The following C2orf68 variants were observed in gnomAD, a reference collection of about 807,000 sequenced individuals.
C2orf68 encodes the protein UPF0561 protein C2orf68.
A neutral mutation model predicts 19.1 loss-of-function variants in C2orf68; 15 were observed. The observed-to-expected ratio is 0.79, with a 90% CI of 0.53 to 1.21. The LOEUF is 1.21. Ranked by LOEUF, C2orf68 falls within the 50% of genes most tolerant of loss-of-function variation. C2orf68 has a pLI of 0.00. For missense variants in C2orf68, 242 were observed against 226.6 expected, an observed-to-expected ratio of 1.07 and a Z score of -0.44; for synonymous variants, 98 against 91.0, an observed-to-expected ratio of 1.08 and a Z score of -0.44.
chr2:85,611,292 A>G (rs1000351466), intron 2 of C2orf68: 3 of 1,419,568 alleles, frequency 2.1e-6, no homozygotes, highest in South Asian at 1.5e-5. Context: ...TCTAGGTAGC[A>G]GAGAAGCTGG....
chr2:85,611,354 G>A (rs1673514162), intron 2 of C2orf68: 1 of 1,442,182 alleles, frequency 6.9e-7, no homozygotes, highest in Non-Finnish European at 9.1e-7. Flanking sequence ...GTCGCTCATC[G>A]CTGTGCCAGA....
At chr2:85,609,213 T>C (rs1673346454) in intron 3 of C2orf68, 146 bp from the exon 4 acceptor site, 3 of 1,302,834 alleles carry the variant, frequency 2.3e-6, no homozygotes, top group Non-Finnish European at 3.1e-6. Context: ...CCTGTAATAG[T>C]GATTCTCCAC....
In C2orf68 at chr2:85,610,874, T is replaced by C. The variant is rs1466010692; in HGVS notation, c.226+794A>G. 2.0e-5 allele frequency: 3 copies of C among 150,872 alleles called. No individual in the cohort carries two copies. The East Asian group carries it at 6.0e-4, about 30-fold the overall frequency. 9.3% of individuals were successfully genotyped at this position (150,872 alleles called of 1,614,324 possible). On this transcript the variant is annotated intron_variant, in intron 2 of 3. Transcript: ENST00000306336. ...CCCGGGTTCACGCCATTCTCCTGCC[T>C]CAGCCTCCCGAGTAGCTGGGACTAC... is the stretch of plus-strand genomic sequence containing the variant.
rs1268701680 is a variant in C2orf68, at chr2:85,609,533, T to G, written c.280A>C (p.Ser94Arg). Reference sequence around the variant, plus strand: ...GGCTCCAGCTCAGAGCCTCCACTACTGCTGCTTTCACCGGACTCTTCATAG... The same window carrying G: ...GGCTCCAGCTCAGAGCCTCCACTACGGCTGCTTTCACCGGACTCTTCATAG... The part of the protein sequence containing the change: ...PDYEESGESS[S>R]SGGSELEPSG... The change falls in exon 3 of 4, where the codon AGT (serine) becomes CGT (arginine). Residue 94 changes from serine to arginine, a missense_variant. Coordinates refer to ENST00000306336, the MANE Select transcript of C2orf68 (RefSeq NM_001013649.4). 6.2e-7 allele frequency: 1 copy of G among 1,614,070 alleles called. No homozygotes were observed. The highest frequency in any genetic ancestry group is 1.7e-5 in the Admixed American group (1 of 60,008).
rs1392268185 is a variant in C2orf68, at chr2:85,612,063, C to G, written c.-79G>C. The G allele has an allele frequency of 2.6e-6, 3 of 1,143,688 alleles. No individual in the cohort carries two copies. Among genetic ancestry groups the G allele is most frequent in the African/African-American group, 3.2e-5 (2 of 62,704 alleles). 70.8% of individuals were successfully genotyped at this position (1,143,688 alleles called of 1,614,324 possible). On this transcript the variant is annotated 5_prime_UTR_variant, in exon 1 of 4. Transcript: ENST00000306336. ...CCCGCCCACAGAGCTCCGCGCCGCC[C>G]CTTGCTCAGCTTCCGGCCCCGCATC... is the stretch of plus-strand genomic sequence containing the variant.
At position 85,608,946 on chromosome 2, in the gene C2orf68, C is replaced by A. The variant is rs757299153; in HGVS notation, c.500G>T (p.Ter167LeuextTer3). 7.4e-6 allele frequency: 12 copies of A among 1,613,964 alleles called. No individual in the cohort carries two copies. Among genetic ancestry groups the A allele is most frequent in the Non-Finnish European group, 1.0e-5 (12 of 1,179,986 alleles). Residue 167 changes from the stop codon to leucine, a stop_lost, in exon 4 of 4, where the codon TGA becomes TTA. Transcript: ENST00000306336. The part of the protein sequence containing the change: ...EEIAKRQSQH[*>L] Reference sequence around the variant, plus strand: ...CTGGAGAGAACGCCTTCAACATGGTCAGTGTTGGCTCTGGCGCTTTGCAAT... The same window carrying A: ...CTGGAGAGAACGCCTTCAACATGGTAAGTGTTGGCTCTGGCGCTTTGCAAT...
At position 85,611,759 on chromosome 2, in the gene C2orf68, C is replaced by G. The variant is rs754900739; in HGVS notation, c.135G>C (p.Gln45His). Residue 45 changes from glutamine to histidine, a missense_variant, in exon 2 of 4, where the codon CAG (glutamine) becomes CAC (histidine). Coordinates refer to ENST00000306336, the MANE Select transcript of C2orf68 (RefSeq NM_001013649.4). ...GCCTCCTCACCTTCTCCTTGGCCGC[C>G]TGCTTCACCTTCTTGTCATAGTCGT... ...ARDDYDKKVK[Q>H]AAKEKVRRRH... The G allele has an allele frequency of 6.2e-7, 1 of 1,612,302 alleles. No individual in the cohort carries two copies. The highest frequency in any genetic ancestry group is 8.5e-7 in the Non-Finnish European group (1 of 1,179,526).
At position 85,612,013 on chromosome 2, in the gene C2orf68, G is replaced by A; in HGVS notation, c.-29C>T. Reference sequence around the variant, plus strand: ...GAGCCGGGGACGCAGAGTCGCCGCCGCCTCGACGGCCCCAACAACAGCCAC... The same window carrying A: ...GAGCCGGGGACGCAGAGTCGCCGCCACCTCGACGGCCCCAACAACAGCCAC... On this transcript the variant is annotated 5_prime_UTR_variant, in exon 1 of 4. Coordinates refer to ENST00000306336, the MANE Select transcript of C2orf68 (RefSeq NM_001013649.4). The A allele has an allele frequency of 1.4e-6, 2 of 1,438,528 alleles. No homozygotes were observed. Among genetic ancestry groups the A allele is most frequent in the Non-Finnish European group, 1.8e-6 (2 of 1,089,292 alleles). The allele number at this position is 1,438,528 out of a possible 1,614,324, so 89.1% of individuals were successfully genotyped here.
Position 85,608,836 on chromosome 2 carries a change from G to C in C2orf68, c.*109C>G. 1 of 1,475,484 alleles carries C rather than the reference G, an allele frequency of 6.8e-7. No homozygotes were observed. The highest frequency in any genetic ancestry group is 1.3e-5 in the South Asian group (1 of 77,834). The allele number at this position is 1,475,484 out of a possible 1,614,324, so 91.4% of individuals were successfully genotyped here. On this transcript the variant is annotated 3_prime_UTR_variant, in exon 4 of 4. Transcript: ENST00000306336. ...ACACCCTATGGATGCAGCAGCTCTG[G>C]GGGTCTCAAGATCAGACAAACTGGT...
chr2:85,607,302 G>A lies in C2orf68; in HGVS notation c.*1643C>T, dbSNP rs1673251312. On this transcript the variant is annotated 3_prime_UTR_variant, in exon 4 of 4. Coordinates refer to ENST00000306336, the MANE Select transcript of C2orf68 (RefSeq NM_001013649.4). The stretch of plus-strand genomic sequence containing the variant: ...TCTGACCAGGAAGAACAGGGGTGGA[G>A]TTTGGGAGAGCCTTCTTGACCCAGG... The A allele has an allele frequency of 6.6e-6, 1 of 152,258 alleles. No homozygotes were observed. The highest frequency in any genetic ancestry group is 2.4e-5 in the African/African-American group (1 of 41,430). 9.4% of individuals were successfully genotyped at this position (152,258 alleles called of 1,614,324 possible). A position where few individuals can be genotyped will look rare whatever the true frequency, so the allele number is the denominator to read the frequency against.
chr2:85,611,836 G>A (rs1673559252), intron 1 of C2orf68, 42 bp downstream of exon 1: 1 of 1,603,698 alleles, frequency 6.2e-7, no homozygotes, highest in Non-Finnish European at 8.5e-7. Flanking sequence ...GGCCAGGCCA[G>A]GCCAGGAGTG....
Position 85,611,780 on chromosome 2 carries a change from G to A in C2orf68, c.114C>T (p.Asp38=). 1 of 1,612,000 alleles carries A rather than the reference G, an allele frequency of 6.2e-7. No homozygotes were observed. The highest frequency in any genetic ancestry group is 8.5e-7 in the Non-Finnish European group (1 of 1,179,564). The change falls in exon 2 of 4, where the codon GAC becomes GAT. Residue 38 remains aspartate (D), a synonymous_variant. Transcript: ENST00000306336. The stretch of plus-strand genomic sequence containing the variant: ...CCGCCTGCTTCACCTTCTTGTCATA[G>A]TCGTCCCTGCGGGGAGCCGAGCGGG... ...HIRRNQIARD[D]YDKKVKQAAK...
At chr2:85,611,852 G>A (rs377584220) in intron 1 of C2orf68, 26 bp downstream of exon 1, 75 of 1,599,584 alleles carry the variant, frequency 4.7e-5, no homozygotes, top group Non-Finnish European at 5.1e-6. Flanking sequence ...GAGTGGTGGC[G>A]GCGGCGGCGC....
intron 2 of C2orf68, chr2:85,611,292 A>T (rs1000351466): frequency 1.2e-5 from 17 of 1,419,450 alleles, no homozygotes; most frequent in Non-Finnish European, 1.5e-5. Context: ...TCTAGGTAGC[A>T]GAGAAGCTGG....
rs1272674907 is a variant in C2orf68 at position 85,605,308 on chromosome 2, C to A, written c.*3637G>T. 6.6e-6 allele frequency among the ~76,000 whole-genome samples: 1 copy of A among 152,120 alleles called. No individual in the cohort carries two copies. Among genetic ancestry groups the A allele is most frequent in the Admixed American group, 6.5e-5 (1 of 15,284 alleles). On this transcript the variant is annotated 3_prime_UTR_variant, in exon 4 of 4. Transcript: ENST00000306336. ...AAAAAAATACTGTATTTGAAAAGTA[C>A]CTTCCTTCTGGGATTTTCAAATAAT...
Position 85,607,587 on chromosome 2 carries a change from T to A in C2orf68, c.*1358A>T, listed in dbSNP as rs1673263303. The A allele has an allele frequency of 6.6e-6, 1 of 152,226 alleles. No individual in the cohort carries two copies. The highest frequency in any genetic ancestry group is 2.4e-5 in the African/African-American group (1 of 41,450). The allele number at this position is 152,226 out of a possible 1,614,324, so 9.4% of individuals were successfully genotyped here. On this transcript the variant is annotated 3_prime_UTR_variant, in exon 4 of 4. Coordinates refer to ENST00000306336, the MANE Select transcript of C2orf68 (RefSeq NM_001013649.4). ...TTGCGAGCTGTGACTTGACACATTT[T>A]AATGACAAGATTGAAGTAGCTACCT...
intron 2 of C2orf68, chr2:85,611,360 C>G: frequency 6.9e-7 from 1 of 1,444,958 alleles, no homozygotes; most frequent in Non-Finnish European, 9.0e-7. Context: ...CATCGCTGTG[C>G]CAGACTTTCT....
chr2:85,611,830 A>AGGCCG (rs1558840816), intron 1 of C2orf68, 44 bp from the exon 2 acceptor site: 1 of 1,605,192 alleles, frequency 6.2e-7, no homozygotes, highest in Non-Finnish European at 8.5e-7. Context: ...GGGCCGGGCC[A>AGGCCG]GGCCAGGCCA....
intron 1 of C2orf68, 30 bp downstream of exon 1, chr2:85,611,848 T>C (rs1323719518): frequency 1.3e-6 from 2 of 1,599,750 alleles, no homozygotes; most frequent in Admixed American, 1.7e-5. Flanking sequence ...CCAGGAGTGG[T>C]GGCGGCGGCG....
Sources: gnomAD v4.1 joint callset for allele counts (sites outside exome capture counted in the v4.1 genomes callset) on GRCh38, gnomAD v4.1.1 for gene constraint, MANE v1.5 for transcripts, NCBI Gene and HGNC (gene_info 2026-07-23, HGNC 2026-07-21) for gene names.